Variants in TRPM1 observed in about 807,000 individuals in gnomAD.
TRPM1 encodes transient receptor potential cation channel subfamily M member 1.
In TRPM1, 113 loss-of-function variants were observed where a neutral mutation model predicts 149.4. The ratio of observed to expected loss-of-function variants is 0.76; its 90% CI spans 0.65 to 0.88. The LOEUF is 0.88. TRPM1 is among the 40% of genes least tolerant of loss of function. The pLI is 0.00. For synonymous variants in TRPM1, 741 were observed against 759.5 expected (o/e 0.98, Z 0.40); for missense variants, 1,976 against 2,038.7 (o/e 0.97, Z 0.59).
chr15:31,086,493 T>G (rs896061964), intron 1 of TRPM1, among the ~76,000 whole-genome samples: 3 of 152,228 alleles, frequency 2.0e-5, no homozygotes, highest in African/African-American at 7.2e-5. Flanking sequence ...TTTGGCATCA[T>G]GCTCTTTCGA....
chr15:31,105,460 T>C (rs868718388), upstream of TRPM1, among the ~76,000 whole-genome samples: 4 of 68,376 alleles, frequency 5.9e-5, no homozygotes, highest in African/African-American at 9.1e-5. Context: ...TGTGTGTGTG[T>C]GTGTGTGTGT....
chr15:31,121,738 G>A (rs953721423), intron 1 of TRPM1, among the ~76,000 whole-genome samples: 9 of 152,074 alleles, frequency 5.9e-5, no homozygotes, highest in African/African-American at 1.7e-4. Flanking sequence ...TATACCATAC[G>A]TCTGAGGAAG....
intron 1 of TRPM1, among the ~76,000 whole-genome samples, chr15:31,150,332 G>A (rs1007888842): frequency 3.9e-5 from 6 of 152,050 alleles, no homozygotes; most frequent in Non-Finnish European, 7.4e-5. Context: ...GTTCCCAGGT[G>A]CATTTGGTGT....
intron 1 of TRPM1, among the ~76,000 whole-genome samples, chr15:31,135,650 G>A (rs1323121245): frequency 6.6e-6 from 1 of 151,900 alleles, no homozygotes; most frequent in African/African-American, 2.4e-5. Flanking sequence ...CGTCATGGGG[G>A]CAGGTCCCTC....
chr15:31,017,555 A>T (rs946319082), intron 27 of TRPM1, among the ~76,000 whole-genome samples: 1 of 152,212 alleles, frequency 6.6e-6, no homozygotes, highest in Non-Finnish European at 1.5e-5. Flanking sequence ...CATTAACAAC[A>T]GTTGCAGCAT....
intron 1 of TRPM1, among the ~76,000 whole-genome samples, chr15:31,133,190 A>G (rs1286807645): frequency 6.6e-6 from 1 of 152,164 alleles, no homozygotes; most frequent in Non-Finnish European, 1.5e-5. Flanking sequence ...TAATCCTAGC[A>G]CTTTGGGAGG....
intron 1 of TRPM1, among the ~76,000 whole-genome samples, chr15:31,125,708 C>T (rs1301598613): frequency 5.7e-4 from 53 of 93,476 alleles, no homozygotes; most frequent in African/African-American, 2.0e-3. Flanking sequence ...CCAGCCTGGG[C>T]GACAGAGCGA....
At chr15:31,051,031 C>A (rs777333137) in intron 11 of TRPM1, among the ~76,000 whole-genome samples, 44 of 152,198 alleles carry the variant, frequency 2.9e-4, no homozygotes, top group Admixed American at 2.0e-4. Context: ...GGGTACAAGA[C>A]AATGGATAGA....
chr15:31,045,637 C>A (rs1402821045), intron 16 of TRPM1, among the ~76,000 whole-genome samples: 1 of 152,220 alleles, frequency 6.6e-6, no homozygotes, highest in Non-Finnish European at 1.5e-5. Flanking sequence ...GGATGCACTG[C>A]TCATCATACG....
chr15:31,073,294 T>C (rs1231924480), intron 3 of TRPM1, among the ~76,000 whole-genome samples: 2 of 152,148 alleles, frequency 1.3e-5, no homozygotes, highest in African/African-American at 2.4e-5. Flanking sequence ...TTTTCACCCT[T>C]GCCAAAAATC....
intron 8 of TRPM1, 134 bp from the exon 9 acceptor site, chr15:31,062,836 A>G: frequency 1.8e-6 from 2 of 1,088,184 alleles, no homozygotes; most frequent in Non-Finnish European, 2.7e-6. Context: ...AAAAGTAACC[A>G]TAGTCAAACA....
chr15:31,017,121 A>G (rs2032391449), intron 27 of TRPM1, among the ~76,000 whole-genome samples: 1 of 152,122 alleles, frequency 6.6e-6, no homozygotes, highest in South Asian at 2.1e-4. Flanking sequence ...CCTGACCAAC[A>G]TGGTGAAACC....
intron 3 of TRPM1, among the ~76,000 whole-genome samples, chr15:31,075,913 T>G (rs2034675437): frequency 6.6e-6 from 1 of 151,876 alleles, no homozygotes; most frequent in Non-Finnish European, 1.5e-5. Flanking sequence ...TGCTGGGGAC[T>G]GCATGGAGTG....
At chr15:31,156,196 A>C (rs1453087321) in intron 1 of TRPM1, among the ~76,000 whole-genome samples, 1 of 60,566 alleles carries the variant, frequency 1.7e-5, no homozygotes, top group Non-Finnish European at 3.5e-5. Flanking sequence ...GACCTCTGTC[A>C]AAAAAAAAAA....
At chr15:31,072,018 T>TATATAGAG (rs1400392427) in intron 3 of TRPM1, among the ~76,000 whole-genome samples, 11 of 36,908 alleles carry the variant, frequency 3.0e-4, no homozygotes, top group African/African-American at 5.6e-4. Flanking sequence ...TATATATATA[T>TATATAGAG]AGAGAGAGAG....
upstream of TRPM1, among the ~76,000 whole-genome samples, chr15:31,105,127 C>A (rs944855571): frequency 8.5e-5 from 13 of 152,136 alleles, no homozygotes; most frequent in African/African-American, 3.1e-4. Flanking sequence ...TGGATTTGAA[C>A]ATATTTGATG....
chr15:31,036,659 G>T (rs982356460), intron 20 of TRPM1, among the ~76,000 whole-genome samples: 3 of 152,214 alleles, frequency 2.0e-5, no homozygotes, highest in Non-Finnish European at 4.4e-5. Flanking sequence ...GAGAGGCCTC[G>T]ATGGCTTCCT....
intron 1 of TRPM1, among the ~76,000 whole-genome samples, chr15:31,129,373 G>A (rs1034392751): frequency 6.6e-6 from 1 of 152,172 alleles, no homozygotes; most frequent in African/African-American, 2.4e-5. Flanking sequence ...GGGTCATTTG[G>A]TGGGACCCTG....
chr15:31,091,414 AAGTCAGTAAGC>A (rs1425395333), intron 1 of TRPM1, among the ~76,000 whole-genome samples: 1 of 152,208 alleles, frequency 6.6e-6, no homozygotes. Context: ...TGCACATGTT[AAGTCAGTAAGC>A]GCCTCTCAGA....
Sources: gnomAD v4.1 joint callset for allele counts (sites outside exome capture counted in the v4.1 genomes callset) on GRCh38, gnomAD v4.1.1 for gene constraint, MANE v1.5 for transcripts, NCBI Gene and HGNC (gene_info 2026-07-23, HGNC 2026-07-21) for gene names.